The following CYB5A variants were observed in gnomAD, a reference collection of about 807,000 sequenced individuals.
The protein encoded by CYB5A is cytochrome b5.
CYB5A carries 10 observed loss-of-function variants against 16.2 expected under a neutral mutation model. The observed-to-expected ratio is 0.62, with a 90% confidence interval of 0.38 to 1.04. The LOEUF (loss-of-function observed/expected upper bound fraction) is 1.04. Ranked by LOEUF, CYB5A falls within the 50% of genes least tolerant of loss-of-function variation. The probability of loss-of-function intolerance (pLI) is 0.01; values close to 1 mark genes in which losing one functional copy is unlikely to be tolerated. For missense variants in CYB5A, 161 were observed against 165.9 expected (o/e 0.97, Z 0.16); for synonymous variants, 62 against 57.0 (o/e 1.09, Z -0.40).
intron 1 of CYB5A, among the ~76,000 whole-genome samples, chr18:74,274,853 A>G (rs1254186766): frequency 1.3e-5 from 2 of 152,308 alleles, no homozygotes; most frequent in East Asian, 3.9e-4. Context: ...TAAAATCTCA[A>G]AGTCAAAGGT....
chr18:74,287,660 T>C (rs1983370129), intron 1 of CYB5A, among the ~76,000 whole-genome samples: 1 of 152,202 alleles, frequency 6.6e-6, no homozygotes, highest in Admixed American at 6.5e-5. Flanking sequence ...TCCATTTTTA[T>C]GATGTAAAGG....
Position 74,253,492 on chromosome 18 carries a change from T to C in CYB5A, c.*92A>G. 2.6e-6 allele frequency: 2 copies of C among 758,200 alleles called. No individual in the cohort carries two copies. Among genetic ancestry groups the C allele is most frequent in the South Asian group, 1.5e-5 (1 of 68,116 alleles). The allele number at this position is 758,200 out of a possible 1,614,324, so 47.0% of individuals were successfully genotyped here. Reference sequence around the variant, plus strand: ...ATATATTAAAATCATTGTTTTCAAGTGAAGGTTTCTGTCAGTTGAAGTAGT... The same window carrying C: ...ATATATTAAAATCATTGTTTTCAAGCGAAGGTTTCTGTCAGTTGAAGTAGT... On this transcript the variant is annotated 3_prime_UTR_variant, in exon 5 of 5. Transcript: ENST00000340533.
chr18:74,284,829 A>G (rs1983258474), intron 1 of CYB5A, among the ~76,000 whole-genome samples: 1 of 152,184 alleles, frequency 6.6e-6, no homozygotes, highest in Non-Finnish European at 1.5e-5. Context: ...TGCTAGAGAC[A>G]GAATTCTACG....
chr18:74,281,042 AG>A (rs1983080111), intron 1 of CYB5A, among the ~76,000 whole-genome samples: 1 of 152,190 alleles, frequency 6.6e-6, no homozygotes. Flanking sequence ...CCAGGGGAGC[AG>A]CAGTAGACAT....
chr18:74,253,915 A>T (rs746272531), intron 4 of CYB5A, among the ~76,000 whole-genome samples: 12 of 152,230 alleles, frequency 7.9e-5, no homozygotes, highest in Non-Finnish European at 1.2e-4. Context: ...TCAGTGGCTC[A>T]CGCCTGTAAT....
chr18:74,284,789 G>A (rs1983256854), intron 1 of CYB5A, among the ~76,000 whole-genome samples: 1 of 152,136 alleles, frequency 6.6e-6, no homozygotes, highest in African/African-American at 2.4e-5. Context: ...CGTCAGTGCT[G>A]GTTCAGATGC....
chr18:74,278,981 T>C (rs1471720439), intron 1 of CYB5A, among the ~76,000 whole-genome samples: 1 of 152,186 alleles, frequency 6.6e-6, no homozygotes, highest in Non-Finnish European at 1.5e-5. Context: ...AATTCTGACA[T>C]GATGACCTTG....
chr18:74,255,917 T>A, intron 3 of CYB5A, 142 bp from the exon 4 acceptor site: 4 of 661,358 alleles, frequency 6.0e-6, no homozygotes, highest in Non-Finnish European at 1.1e-5. Flanking sequence ...AATTATAAAC[T>A]TCTTTTCACT....
In CYB5A at chr18:74,253,450, G is replaced by T; in HGVS notation, c.*134C>A. 1 of 637,306 alleles carries T rather than the reference G, an allele frequency of 1.6e-6. No homozygotes were observed. The highest frequency in any genetic ancestry group is 3.0e-5 in the East Asian group (1 of 33,080). 39.5% of individuals were successfully genotyped at this position (637,306 alleles called of 1,614,324 possible). A position where few individuals can be genotyped will look rare whatever the true frequency, so the allele number is the denominator to read the frequency against. On this transcript the variant is annotated 3_prime_UTR_variant, in exon 5 of 5. Coordinates refer to ENST00000340533, the MANE Select transcript of CYB5A (RefSeq NM_148923.4). The stretch of plus-strand genomic sequence containing the variant: ...TTCTTTTTGTTTTGTTTCTAATGTC[G>T]GAAGAAAAAGAAAGAGATATATTAA...
intron 1 of CYB5A, among the ~76,000 whole-genome samples, chr18:74,275,835 T>C (rs1038139678): frequency 1.3e-5 from 2 of 151,954 alleles, no homozygotes; most frequent in Admixed American, 6.6e-5. Flanking sequence ...AGCAGATAAA[T>C]AAAGATGAAG....
At chr18:74,287,409 T>A (rs1250548354) in intron 1 of CYB5A, among the ~76,000 whole-genome samples, 4 of 152,300 alleles carry the variant, frequency 2.6e-5, no homozygotes, top group Non-Finnish European at 5.9e-5. Context: ...TCTTCCTCGA[T>A]TCCCAAGCCT....
At chr18:74,266,878 C>A (rs917123094) in intron 1 of CYB5A, among the ~76,000 whole-genome samples, 3 of 148,652 alleles carry the variant, frequency 2.0e-5, no homozygotes, top group African/African-American at 7.4e-5. Context: ...CTAACTGATA[C>A]TAAAATATTT....
chr18:74,281,659 T>C (rs1398942175), intron 1 of CYB5A, among the ~76,000 whole-genome samples: 3 of 152,004 alleles, frequency 2.0e-5, no homozygotes, highest in Non-Finnish European at 4.4e-5. Flanking sequence ...GAGACCAGGC[T>C]TAACAACCCT....
chr18:74,281,210 G>A (rs1983088477), intron 1 of CYB5A, among the ~76,000 whole-genome samples: 1 of 152,170 alleles, frequency 6.6e-6, no homozygotes, highest in African/African-American at 2.4e-5. Context: ...CTGCTGAGAT[G>A]GGGACATGCA....
At chr18:74,278,259 C>T (rs117493212) in intron 1 of CYB5A, among the ~76,000 whole-genome samples, 3 of 152,178 alleles carry the variant, frequency 2.0e-5, no homozygotes, top group Non-Finnish European at 4.4e-5. Context: ...AGAGCCACTT[C>T]GCTGAGATCT....
chr18:74,280,643 A>G (rs1005468252), intron 1 of CYB5A, among the ~76,000 whole-genome samples: 30 of 151,958 alleles, frequency 2.0e-4, no homozygotes, highest in Non-Finnish European at 4.1e-4. Flanking sequence ...GTTAATTGGC[A>G]TAAGGTGTGA....
intron 1 of CYB5A, among the ~76,000 whole-genome samples, chr18:74,270,411 C>A (rs538773939): frequency 2.6e-5 from 4 of 152,192 alleles, no homozygotes; most frequent in Admixed American, 2.6e-4. Flanking sequence ...CAGAGCAAGA[C>A]CCCATCATTC....
rs1790870 is a variant in CYB5A, at chr18:74,253,134, T to C, written c.*450A>G. Reference sequence around the variant, plus strand: ...AAGCATACAATACATGGTTACTCAATGAGATGTGACGATGTGAAAGGAGAC... The same window carrying C: ...AAGCATACAATACATGGTTACTCAACGAGATGTGACGATGTGAAAGGAGAC... On this transcript the variant is annotated 3_prime_UTR_variant, in exon 5 of 5. Transcript: ENST00000340533. 9,244 of 202,862 alleles carry C rather than the reference T, an allele frequency of 0.046. 586 individuals carry two copies. The highest frequency in any genetic ancestry group is 0.19 in the East Asian group (1,349 of 7,024). 12.6% of individuals were successfully genotyped at this position (202,862 alleles called of 1,614,324 possible). A position where few individuals can be genotyped will look rare whatever the true frequency, so the allele number is the denominator to read the frequency against.
At position 74,281,714 on chromosome 18, in the gene CYB5A, C is replaced by T. The variant is rs74639077; in HGVS notation, c.129+10033G>A. Among the ~76,000 whole-genome samples, 4 of 144,364 alleles carry T rather than the reference C, an allele frequency of 2.8e-5. No homozygotes were observed. In the East Asian group the frequency reaches 8.1e-4, roughly 29 times the overall value. 94.7% of individuals were successfully genotyped at this position (144,364 alleles called of 152,430 possible). A position where few individuals can be genotyped will look rare whatever the true frequency, so the allele number is the denominator to read the frequency against. On this transcript the variant is annotated intron_variant, in intron 1 of 4. Coordinates refer to ENST00000340533, the MANE Select transcript of CYB5A (RefSeq NM_148923.4). Reference sequence around the variant, plus strand: ...CAGGGGAGCAGAAAAATGAGGAAATCCTGGAGGGGGCAGAAGAGTCAAGGG... The same window carrying T: ...CAGGGGAGCAGAAAAATGAGGAAATTCTGGAGGGGGCAGAAGAGTCAAGGG...
Sources: allele counts gnomAD v4.1 joint callset (sites outside exome capture counted in the v4.1 genomes callset), GRCh38; gene constraint gnomAD v4.1.1; transcripts MANE v1.5; gene names NCBI Gene and HGNC (gene_info 2026-07-23, HGNC 2026-07-21).